Variants in CSMD3 observed in about 807,000 individuals in gnomAD.
CSMD3 encodes CUB and Sushi multiple domains 3.
CSMD3 carries 177 observed loss-of-function variants against 435.2 expected under a neutral mutation model. The observed-to-expected ratio is 0.41, with a 90% CI of 0.36 to 0.46. The LOEUF is 0.46. CSMD3 is among the 20% of genes least tolerant of loss of function. The pLI is 0.34. For synonymous variants in CSMD3, 1,656 were observed against 1,520.5 expected (o/e 1.09, Z -2.07); for missense variants, 4,265 against 4,504.6 (o/e 0.95, Z 1.52).
At chr8:113,137,570 T>C (rs986370353) in intron 4 of CSMD3, among the ~76,000 whole-genome samples, 2 of 151,680 alleles carry the variant, frequency 1.3e-5, no homozygotes, top group Non-Finnish European at 3.0e-5. Flanking sequence ...AGCACATTTA[T>C]TTTCTGACAA....
intron 13 of CSMD3, among the ~76,000 whole-genome samples, chr8:112,761,674 A>G (rs1419147422): frequency 6.6e-6 from 1 of 152,052 alleles, no homozygotes; most frequent in Non-Finnish European, 1.5e-5. Context: ...ACTATACTAT[A>G]CAAACATTTT....
intron 3 of CSMD3, among the ~76,000 whole-genome samples, chr8:113,177,887 G>T (rs2092370490): frequency 6.6e-6 from 1 of 151,842 alleles, no homozygotes; most frequent in African/African-American, 2.4e-5. Context: ...GAAGATTTTT[G>T]ATATTGCAAA....
At chr8:113,195,814 T>TATACACACACACAC (rs1344054794) in intron 3 of CSMD3, among the ~76,000 whole-genome samples, 1 of 133,444 alleles carries the variant, frequency 7.5e-6, no homozygotes, top group African/African-American at 2.9e-5. Flanking sequence ...TATATATATA[T>TATACACACACACAC]ACACACACAC....
chr8:112,563,057 C>T (rs1195602645), intron 24 of CSMD3, among the ~76,000 whole-genome samples: 5 of 151,388 alleles, frequency 3.3e-5, no homozygotes, highest in Admixed American at 1.3e-4. Flanking sequence ...TCAGAATTCA[C>T]GAACAGGGAA....
intron 1 of CSMD3, among the ~76,000 whole-genome samples, chr8:113,375,674 T>C (rs528725072): frequency 1.4e-4 from 21 of 152,306 alleles, no homozygotes; most frequent in African/African-American, 4.1e-4. Context: ...AATTTGCTAA[T>C]TGCTGAAGAG....
At chr8:112,546,871 C>T (rs1240174053) in intron 27 of CSMD3, among the ~76,000 whole-genome samples, 1 of 152,102 alleles carries the variant, frequency 6.6e-6, no homozygotes, top group Non-Finnish European at 1.5e-5. Flanking sequence ...CATGAGGCTG[C>T]CGACAGTGGC....
At chr8:112,292,733 C>T in intron 54 of CSMD3, 23 bp from the exon 55 acceptor site, 1 of 1,608,584 alleles carries the variant, frequency 6.2e-7, no homozygotes, top group Middle Eastern at 1.7e-4. Context: ...GGCAGGAGGA[C>T]AGGGAAGGAA....
chr8:113,288,761 T>C (rs554829953), intron 2 of CSMD3, among the ~76,000 whole-genome samples: 2 of 151,898 alleles, frequency 1.3e-5, no homozygotes, highest in South Asian at 2.1e-4. Flanking sequence ...GAGTATACAA[T>C]TGAAAAAAAA....
chr8:112,323,530 T>C (rs1328481245), intron 45 of CSMD3, among the ~76,000 whole-genome samples: 1 of 152,010 alleles, frequency 6.6e-6, no homozygotes, highest in South Asian at 2.1e-4. Flanking sequence ...AGTGTCCCTA[T>C]AAAATAAAAA....
At chr8:113,289,757 T>C (rs1331183930) in intron 2 of CSMD3, among the ~76,000 whole-genome samples, 2 of 151,704 alleles carry the variant, frequency 1.3e-5, no homozygotes, top group East Asian at 1.9e-4. Context: ...GTACTCTATA[T>C]TCATTAAGGA....
At chr8:113,386,280 G>A (rs1348522420) in intron 1 of CSMD3, among the ~76,000 whole-genome samples, 1 of 151,846 alleles carries the variant, frequency 6.6e-6, no homozygotes, top group African/African-American at 2.4e-5. Flanking sequence ...TGACTTCCTG[G>A]ATTTCAATCT....
At chr8:113,285,261 CTTTTT>C (rs11420062) in intron 2 of CSMD3, among the ~76,000 whole-genome samples, 5 of 128,174 alleles carry the variant, frequency 3.9e-5, no homozygotes, top group Non-Finnish European at 6.4e-5. Context: ...TTGGTGACAG[CTTTTT>C]TTTTTTTTTT....
intron 9 of CSMD3, among the ~76,000 whole-genome samples, chr8:112,943,936 T>G (rs2083526860): frequency 6.6e-6 from 1 of 151,688 alleles, no homozygotes; most frequent in Non-Finnish European, 1.5e-5. Flanking sequence ...CCAAATGCAC[T>G]GAGTTTATCA....
chr8:112,228,279 G>T (rs1051707602), intron 70 of CSMD3, among the ~76,000 whole-genome samples: 1 of 152,124 alleles, frequency 6.6e-6, no homozygotes, highest in East Asian at 1.9e-4. Context: ...AGCAACAGAA[G>T]ATGAATGAGA....
intron 13 of CSMD3, among the ~76,000 whole-genome samples, chr8:112,785,820 G>A (rs2078523068): frequency 6.6e-6 from 1 of 151,938 alleles, no homozygotes; most frequent in Non-Finnish European, 1.5e-5. Context: ...TTACATTTAT[G>A]GATTAGAATA....
rs1296819368 is a variant in CSMD3 at position 113,436,814 on chromosome 8, G to A, written c.41C>T (p.Ser14Phe). The A allele has an allele frequency of 6.2e-7, 1 of 1,614,152 alleles. No individual in the cohort carries two copies. Among genetic ancestry groups the A allele is most frequent in the Non-Finnish European group, 8.5e-7 (1 of 1,180,050 alleles). The change falls in exon 1 of 71, where the codon TCC becomes TTC. Residue 14 changes from serine to phenylalanine, a missense_variant. Ser to Phe is a radical substitution (Grantham distance 155). This residue lies in a region of CSMD3 where 731 missense variants were observed against 755.4 expected (regional missense o/e 0.97). Transcript: ENST00000297405. ...IRKGESRAKESKPWEPGKRRC... is the reference protein window; with the variant it reads ...IRKGESRAKEFKPWEPGKRRC... ...TCGCTTGCCAGGCTCCCAGGGTTTG[G>A]ATTCCTTTGCTCGGCTTTCCCCTTT...
intron 4 of CSMD3, among the ~76,000 whole-genome samples, chr8:113,169,761 C>A (rs2092232908): frequency 6.6e-6 from 1 of 152,048 alleles, no homozygotes; most frequent in East Asian, 1.9e-4. Flanking sequence ...ATAGCATAAC[C>A]ATTTCACCTC....
At chr8:112,260,938 G>A (rs780950047) in intron 61 of CSMD3, among the ~76,000 whole-genome samples, 2 of 152,058 alleles carry the variant, frequency 1.3e-5, no homozygotes, top group African/African-American at 4.8e-5. Flanking sequence ...AACTACACTT[G>A]TACCCCTTAA....
At chr8:112,379,089 AT>A (rs1342519434) in intron 38 of CSMD3, among the ~76,000 whole-genome samples, 3 of 152,244 alleles carry the variant, frequency 2.0e-5, no homozygotes, top group Non-Finnish European at 4.4e-5. Context: ...AATTAAGGAA[AT>A]AATACCATCT....
Sources: gnomAD v4.1 joint callset for allele counts (sites outside exome capture counted in the v4.1 genomes callset) on GRCh38, gnomAD v4.1.1 for gene constraint, gnomAD v4.1.1 regional missense constraint, MANE v1.5 for transcripts, NCBI Gene and HGNC (gene_info 2026-07-23, HGNC 2026-07-21) for gene names.